Variants in TCTN2 observed in about 807,000 individuals in gnomAD.
The protein encoded by TCTN2 is tectonic-2.
TCTN2 carries 66 observed loss-of-function variants against 83.4 expected under a neutral mutation model. That is an observed-to-expected ratio of 0.79 (90% CI 0.65 to 0.97). The LOEUF (loss-of-function observed/expected upper bound fraction) is 0.97, where lower values mean the gene tolerates loss of function less well. TCTN2 is among the 50% of genes least tolerant of loss of function. The pLI is 0.00. For synonymous variants in TCTN2, 301 were observed against 326.7 expected, an observed-to-expected ratio of 0.92 and a Z score of 0.85; for missense variants, 794 against 858.1, an observed-to-expected ratio of 0.93 and a Z score of 0.93.
intron 1 of TCTN2, 77 bp downstream of exon 1, chr12:123,671,399 C>T: frequency 6.3e-7 from 1 of 1,595,426 alleles, no homozygotes; most frequent in South Asian, 1.1e-5. Flanking sequence ...ACTTGGACTC[C>T]CCCGGGAGCT....
At chr12:123,672,710 A>C (rs1955771056) in intron 3 of TCTN2, among the ~76,000 whole-genome samples, 1 of 152,000 alleles carries the variant, frequency 6.6e-6, no homozygotes, top group African/African-American at 2.4e-5. Context: ...GCACCACTGC[A>C]CTTCATCCAG....
At chr12:123,684,464 G>C (rs1372045167) in intron 5 of TCTN2, among the ~76,000 whole-genome samples, 5 of 148,728 alleles carry the variant, frequency 3.4e-5, no homozygotes. Flanking sequence ...ACAGTGGTGC[G>C]ATCTCGGCCC....
intron 12 of TCTN2, 76 bp from the exon 13 acceptor site, chr12:123,697,011 T>C: frequency 8.3e-7 from 1 of 1,203,926 alleles, no homozygotes; most frequent in Non-Finnish European, 1.2e-6. Flanking sequence ...GTTTTCTGTT[T>C]TTCACGGAAA....
intron 4 of TCTN2, among the ~76,000 whole-genome samples, chr12:123,678,565 G>T (rs1167469565): frequency 6.6e-6 from 1 of 152,096 alleles, no homozygotes. Flanking sequence ...TGGGTTTACA[G>T]GTGTGAGCCA....
At chr12:123,707,555 C>G (rs773492614) in intron 17 of TCTN2, 49 bp from the exon 18 acceptor site, 7 of 1,553,352 alleles carry the variant, frequency 4.5e-6, no homozygotes, top group South Asian at 2.2e-5. Context: ...ACACTGTTAT[C>G]AAAAGAGTTA....
intron 1 of TCTN2, 68 bp from the exon 2 acceptor site, chr12:123,671,439 C>G (rs1295210439): frequency 6.3e-7 from 1 of 1,590,850 alleles, no homozygotes; most frequent in East Asian, 2.2e-5. Context: ...AAGCAAGCCG[C>G]CACACACACC....
chr12:123,698,459 A>G (rs1956136079), intron 13 of TCTN2, among the ~76,000 whole-genome samples: 1 of 150,540 alleles, frequency 6.6e-6, no homozygotes, highest in South Asian at 2.1e-4. Context: ...GTTTTTTGAG[A>G]CAAGGTCTCA....
chr12:123,679,388 G>T (rs1955866043), intron 5 of TCTN2, 99 bp downstream of exon 5: 1 of 1,080,346 alleles, frequency 9.3e-7, no homozygotes, highest in Non-Finnish European at 1.4e-6. Context: ...TTGAGATAGG[G>T]TCTTGCTCTG....
rs770905174 is a variant in TCTN2, at chr12:123,706,791, C to T, written c.1835C>T (p.Pro612Leu). The T allele has an allele frequency of 1.2e-6, 2 of 1,614,200 alleles. No individual in the cohort carries two copies. Among genetic ancestry groups the T allele is most frequent in the Admixed American group, 1.7e-5 (1 of 60,024 alleles). ...LTCEHKADLL[P>L]ISASVQFIKI... ...TGTGAGCACAAGGCCGACCTTCTCCCTATCAGTGCATCCGTCCAGTTTATT... is the reference window on the plus strand; with the variant it reads ...TGTGAGCACAAGGCCGACCTTCTCCTTATCAGTGCATCCGTCCAGTTTATT... Residue 612 changes from proline to leucine, a missense_variant, in exon 16 of 18, where the codon CCT becomes CTT. By Grantham distance (98) the Pro-to-Leu change is moderately conservative. Coordinates refer to ENST00000303372, the MANE Select transcript of TCTN2 (RefSeq NM_024809.5).
intron 13 of TCTN2, among the ~76,000 whole-genome samples, chr12:123,697,481 GAACCTTTTT>G (rs1956123412): frequency 6.6e-6 from 1 of 152,110 alleles, no homozygotes; most frequent in Non-Finnish European, 1.5e-5. Context: ...CAGCTCATTG[GAACCTTTTT>G]TGTTGTTGTT....
intron 13 of TCTN2, among the ~76,000 whole-genome samples, chr12:123,698,563 G>A (rs892907466): frequency 4.6e-5 from 7 of 151,722 alleles, no homozygotes; most frequent in African/African-American, 1.7e-4. Flanking sequence ...TCACCCTCCC[G>A]AGTATCTTGG....
Position 123,671,130 on chromosome 12 carries a change from C to T in TCTN2, c.-111C>T. On this transcript the variant is annotated 5_prime_UTR_variant, in exon 1 of 18. Coordinates refer to ENST00000303372, the MANE Select transcript of TCTN2 (RefSeq NM_024809.5). ...TGGTTGCCATAGCTCCGGGCGTTCG[C>T]TTGCAAGATGGCGGCGGCGGGGCAG... 9.1e-7 allele frequency: 1 copy of T among 1,103,190 alleles called. No individual in the cohort carries two copies. Among genetic ancestry groups the T allele is most frequent in the South Asian group, 1.3e-5 (1 of 75,158 alleles). The allele number at this position is 1,103,190 out of a possible 1,614,324, so 68.3% of individuals were successfully genotyped here.
chr12:123,699,686 T>A lies in TCTN2; in HGVS notation c.1506-18T>A. 6.3e-7 allele frequency: 1 copy of A among 1,599,418 alleles called. No homozygotes were observed. Among genetic ancestry groups the A allele is most frequent in the Non-Finnish European group, 8.6e-7 (1 of 1,166,584 alleles). On this transcript the variant is annotated intron_variant, in intron 13 of 17. Transcript: ENST00000303372. ...GACCTGCTGGCCATGAGCTGAGAAA[T>A]GTCTTACTCTCTTGCAGGGAGAATG...
intron 7 of TCTN2, 35 bp from the exon 8 acceptor site, chr12:123,690,498 G>A (rs1157722626): frequency 1.2e-6 from 2 of 1,613,916 alleles, no homozygotes; most frequent in Non-Finnish European, 1.7e-6. Flanking sequence ...TAGGAGAGAG[G>A]CCATAAATCT....
chr12:123,672,854 C>T (rs1343587369), intron 3 of TCTN2, among the ~76,000 whole-genome samples: 1 of 152,152 alleles, frequency 6.6e-6, no homozygotes, highest in Non-Finnish European at 1.5e-5. Context: ...AGTTCAAGAC[C>T]AGTCTGGCCA....
intron 4 of TCTN2, among the ~76,000 whole-genome samples, chr12:123,678,226 A>G (rs959681728): frequency 2.0e-5 from 3 of 152,132 alleles, no homozygotes; most frequent in Admixed American, 6.6e-5. Context: ...GCCACGAACC[A>G]TGTCTGGACA....
chr12:123,675,187 C>G (rs879580064), intron 4 of TCTN2, among the ~76,000 whole-genome samples: 3 of 152,184 alleles, frequency 2.0e-5, no homozygotes, highest in Non-Finnish European at 2.9e-5. Context: ...CTGTTCCCAG[C>G]TTTTGATGCT....
intron 4 of TCTN2, among the ~76,000 whole-genome samples, chr12:123,678,955 G>A (rs747194849): frequency 9.9e-5 from 15 of 151,694 alleles, no homozygotes; most frequent in Non-Finnish European, 1.6e-4. Flanking sequence ...CTGCCACCAC[G>A]CCCAGCTAAC....
rs60100973 is a variant in TCTN2, at chr12:123,676,566, TAA to T, written c.464-2599_464-2598del. Among the ~76,000 whole-genome samples the T allele has an allele frequency of 2.8e-4, 17 of 60,722 alleles. No homozygotes were observed. The East Asian group carries it at 4.5e-3, about 16-fold the overall frequency. 39.8% of individuals were successfully genotyped at this position (60,722 alleles called of 152,430 possible). On this transcript the variant is annotated intron_variant, in intron 4 of 17. Transcript: ENST00000303372. Reference sequence around the variant, plus strand: ...CTGGGTGACAGAGCGAGACTCCATCTAAAAAAAAAAAAAAAAAAAAAAAAAGG... The same window carrying T: ...CTGGGTGACAGAGCGAGACTCCATCTAAAAAAAAAAAAAAAAAAAAAAAGG...
Sources: gnomAD v4.1 joint callset for allele counts (sites outside exome capture counted in the v4.1 genomes callset) on GRCh38, gnomAD v4.1.1 for gene constraint, MANE v1.5 for transcripts, NCBI Gene and HGNC (gene_info 2026-07-23, HGNC 2026-07-21) for gene names.